The following MTMR8 variants were observed in gnomAD, a reference collection of about 807,000 sequenced individuals.
MTMR8 encodes phosphatidylinositol-3,5-bisphosphate 3-phosphatase MTMR8.
A neutral mutation model predicts 39.3 loss-of-function variants in MTMR8; 65 were observed. The ratio of observed to expected loss-of-function variants is 1.65; its 90% CI spans 1.35 to 2.03. MTMR8 has a LOEUF of 2.03. Among genes scored for constraint, MTMR8 ranks in the 30% most tolerant of loss-of-function variants. MTMR8 has a pLI of 0.00. For missense variants in MTMR8, 777 were observed against 538.9 expected, an observed-to-expected ratio of 1.44 and a Z score of -4.37; for synonymous variants, 245 against 185.2, an observed-to-expected ratio of 1.32 and a Z score of -2.62.
chrX:64,375,427 A>C (rs748698563), intron 1 of MTMR8, among the ~76,000 whole-genome samples: 1 of 111,819 alleles, frequency 8.9e-6, no homozygotes, highest in African/African-American at 3.2e-5. Context: ...GTTGAAGTAC[A>C]TATATTAATA....
At chrX:64,330,018 C>T (rs938246844) in intron 11 of MTMR8, among the ~76,000 whole-genome samples, 13 of 111,580 alleles carry the variant, frequency 1.2e-4, no homozygotes, top group African/African-American at 3.9e-4. Flanking sequence ...GGTGAGAGAG[C>T]CAAAGTTTGA....
chrX:64,309,371 T>A (rs1922225264), intron 12 of MTMR8, among the ~76,000 whole-genome samples: 1 of 111,860 alleles, frequency 8.9e-6, no homozygotes, highest in African/African-American at 3.2e-5. Context: ...ATGTAAATGG[T>A]ATTGTGTTTT....
At position 64,283,698 on chromosome X, in the gene MTMR8, A is replaced by C. The variant is rs766498303; in HGVS notation, c.1482-12625T>G. 2.7e-5 allele frequency among the ~76,000 whole-genome samples: 3 copies of C among 112,600 alleles called. No individual in the cohort carries two copies. In the South Asian group the frequency reaches 1.1e-3, roughly 41 times the overall value. ...CGCTGTTCTGCAGCCTCTGCTGCTG[A>C]TACCCAGGCAAACAGGGTCTGGAGT... On this transcript the variant is annotated intron_variant, in intron 12 of 13. Coordinates refer to ENST00000374852, the MANE Select transcript of MTMR8 (RefSeq NM_017677.4).
intron 11 of MTMR8, among the ~76,000 whole-genome samples, chrX:64,329,229 C>T (rs967726832): frequency 1.5e-4 from 17 of 111,225 alleles, no homozygotes; most frequent in Admixed American, 5.7e-4. Flanking sequence ...ATTTCCTCAC[C>T]GTTAAATGTG....
At chrX:64,280,348 C>A (rs1017602679) in intron 12 of MTMR8, among the ~76,000 whole-genome samples, 8 of 111,729 alleles carry the variant, frequency 7.2e-5, no homozygotes, top group African/African-American at 2.6e-4. Context: ...AGATTATCCA[C>A]CACAATCAAG....
intron 12 of MTMR8, among the ~76,000 whole-genome samples, chrX:64,303,058 C>A (rs188193679): frequency 8.9e-6 from 1 of 112,379 alleles, no homozygotes; most frequent in Non-Finnish European, 1.9e-5. Context: ...AATGCCATCT[C>A]GTGATTCTTA....
chrX:64,318,567 C>G (rs1205936900), intron 12 of MTMR8, among the ~76,000 whole-genome samples: 1 of 111,144 alleles, frequency 9.0e-6, no homozygotes, highest in Non-Finnish European at 1.9e-5. Context: ...AATCTGCCTT[C>G]TACTCTGAAT....
intron 1 of MTMR8, among the ~76,000 whole-genome samples, chrX:64,366,039 A>C (rs759946933): frequency 3.6e-4 from 40 of 112,119 alleles, no homozygotes; most frequent in South Asian, 1.1e-3. Flanking sequence ...GTAAAGGGAT[A>C]AATTCAACAA....
chrX:64,316,440 A>G (rs1922467567), intron 12 of MTMR8, among the ~76,000 whole-genome samples: 1 of 111,857 alleles, frequency 8.9e-6, no homozygotes, highest in African/African-American at 3.3e-5. Flanking sequence ...TAAGCTCAGG[A>G]GTTCAAGACC....
intron 12 of MTMR8, among the ~76,000 whole-genome samples, chrX:64,287,565 GTAC>G (rs1921232863): frequency 9.0e-6 from 1 of 110,560 alleles, no homozygotes; most frequent in Non-Finnish European, 1.9e-5. Flanking sequence ...ACTTCAAACT[GTAC>G]TACAAGGCTA....
intron 12 of MTMR8, among the ~76,000 whole-genome samples, chrX:64,296,131 A>T (rs939295251): frequency 8.9e-6 from 1 of 112,111 alleles, no homozygotes; most frequent in African/African-American, 3.2e-5. Flanking sequence ...CTCAAAAAGG[A>T]ATGAAGTTCT....
intron 12 of MTMR8, among the ~76,000 whole-genome samples, chrX:64,308,913 T>C (rs999161982): frequency 1.8e-5 from 2 of 112,064 alleles, no homozygotes; most frequent in Admixed American, 1.9e-4. Flanking sequence ...GTTGATTATA[T>C]TTCTGTGGGT....
intron 1 of MTMR8, among the ~76,000 whole-genome samples, chrX:64,363,529 G>T (rs1923854942): frequency 8.9e-6 from 1 of 112,308 alleles, no homozygotes; most frequent in Non-Finnish European, 1.9e-5. Flanking sequence ...GGCCTACCCA[G>T]AGGCAGATGC....
intron 11 of MTMR8, 146 bp downstream of exon 11, chrX:64,331,411 G>C (rs1396152202): frequency 2.1e-6 from 1 of 476,298 alleles, no homozygotes; most frequent in Non-Finnish European, 3.6e-6. Flanking sequence ...TGCAAACATT[G>C]AGTGCTTTAT....
At chrX:64,286,035 G>A (rs1310910472) in intron 12 of MTMR8, among the ~76,000 whole-genome samples, 1 of 111,183 alleles carries the variant, frequency 9.0e-6, no homozygotes, top group African/African-American at 3.3e-5. Flanking sequence ...ATGAATCCAG[G>A]AACTGAGTTT....
chrX:64,294,812 T>C (rs1304116735), intron 12 of MTMR8, among the ~76,000 whole-genome samples: 1 of 111,756 alleles, frequency 8.9e-6, no homozygotes, highest in Non-Finnish European at 1.9e-5. Flanking sequence ...CTTTGCCTTC[T>C]CTTAATGCCT....
intron 1 of MTMR8, among the ~76,000 whole-genome samples, chrX:64,384,269 C>G (rs766035958): frequency 8.9e-6 from 1 of 111,828 alleles, no homozygotes; most frequent in Admixed American, 9.4e-5. Flanking sequence ...TCAGAACCTG[C>G]AGCTGCTCTC....
At chrX:64,336,948 G>T (rs1261920125) in intron 9 of MTMR8, among the ~76,000 whole-genome samples, 1 of 112,130 alleles carries the variant, frequency 8.9e-6, no homozygotes, top group East Asian at 2.8e-4. Context: ...CAGCTGACAT[G>T]TTAAAGATGA....
Position 64,356,295 on chromosome X carries a change from G to C in MTMR8, c.191C>G (p.Thr64Ser), listed in dbSNP as rs141311349. 8.3e-7 allele frequency: 1 copy of C among 1,208,791 alleles called. No homozygotes were observed. The highest frequency in any genetic ancestry group is 1.1e-6 in the Non-Finnish European group (1 of 894,177). ...GAGGGTCAGGGGACAACCCAGGCTA[G>C]TGATGGGTAACTTCTCCACAGTGGC... ...HIATVEKLPI[T>S]SLGCPLTLRC... The change falls in exon 3 of 14, where the codon ACT becomes AGT. Residue 64 changes from threonine (T) to serine (S), a missense_variant. Physicochemically the swap from Thr to Ser is moderately conservative, Grantham distance 58. Transcript: ENST00000374852.
Sources: allele counts gnomAD v4.1 joint callset (sites outside exome capture counted in the v4.1 genomes callset), GRCh38; gene constraint gnomAD v4.1.1; transcripts MANE v1.5; gene names NCBI Gene and HGNC (gene_info 2026-07-23, HGNC 2026-07-21).